Variants in ZNF207 observed in about 807,000 individuals in gnomAD.
ZNF207 encodes zinc finger protein 207, also known as BUB3-interacting and GLEBS motif-containing protein ZNF207.
In ZNF207, 24 loss-of-function variants were observed where a neutral mutation model predicts 60.2. That is an observed-to-expected ratio of 0.40 (90% CI 0.29 to 0.56). The LOEUF is 0.56. Among genes scored for constraint, ZNF207 ranks in the 20% least tolerant of loss-of-function variants. The pLI is 0.49. For missense variants in ZNF207, 452 were observed against 636.6 expected (o/e 0.71, Z 3.12); for synonymous variants, 236 against 194.7 (o/e 1.21, Z -1.77).
chr17:32,352,937 G>A (rs758440145), intron 2 of ZNF207, among the ~76,000 whole-genome samples: 14 of 152,240 alleles, frequency 9.2e-5, no homozygotes, highest in Non-Finnish European at 1.8e-4. Flanking sequence ...AGCGCTTTGG[G>A]AGGCCAAGGT....
intron 7 of ZNF207, 115 bp from the exon 8 acceptor site, chr17:32,365,215 G>T: frequency 2.6e-6 from 3 of 1,168,196 alleles, no homozygotes; most frequent in Non-Finnish European, 3.6e-6. Flanking sequence ...TAAGTTCCTT[G>T]GATTTAGTCG....
chr17:32,369,707 G>A lies in ZNF207; in HGVS notation c.1433G>A (p.Arg478Gln), dbSNP rs1184833361. The A allele has an allele frequency of 3.1e-6, 5 of 1,591,842 alleles. No individual in the cohort carries two copies. Among genetic ancestry groups the A allele is most frequent in the Admixed American group, 3.6e-5 (2 of 55,434 alleles). ...CCCCCTTACCAGGGTGGGCCTCCTC[G>A]ACCTCCGATGGGAATGAGACCTCCT... ...MVPPYQGGPP[R>Q]PPMGMRPPVM... Residue 478 changes from arginine (R) to glutamine (Q), a missense_variant, in exon 12 of 12, where the codon CGA becomes CAA. This residue lies in a region of ZNF207 where 390 missense variants were observed against 461.4 expected (regional missense o/e 0.85). Coordinates refer to ENST00000394670, the MANE Select transcript of ZNF207 (RefSeq NM_001098507.2).
rs1328014606 is a variant in ZNF207, at chr17:32,360,185, C to CA, written c.308-413_308-412insA. On this transcript the variant is annotated intron_variant, in intron 3 of 11. Coordinates refer to ENST00000394670, the MANE Select transcript of ZNF207 (RefSeq NM_001098507.2). ...TCAAGACCTCACCTTTACCCCCCCC[C>CA]CAAAAAAAAAAAAAAAAAGCCCAGT... 1.0e-4 allele frequency among the ~76,000 whole-genome samples: 11 copies of CA among 109,242 alleles called. 1 individual carries two copies. The highest frequency in any genetic ancestry group is 3.4e-4 in the African/African-American group (10 of 29,194). 71.7% of individuals were successfully genotyped at this position (109,242 alleles called of 152,430 possible).
intron 2 of ZNF207, among the ~76,000 whole-genome samples, chr17:32,357,669 T>C (rs548813024): frequency 6.6e-6 from 1 of 151,806 alleles, no homozygotes; most frequent in Non-Finnish European, 1.5e-5. Flanking sequence ...TTTATTTTTT[T>C]TGGAGACAGT....
rs962964897 is a variant in ZNF207, at chr17:32,381,882, T to C, written c.*12123T>C. The C allele has an allele frequency of 1.3e-5, 2 of 152,242 alleles. No individual in the cohort carries two copies. Among genetic ancestry groups the C allele is most frequent in the Admixed American group, 6.5e-5 (1 of 15,286 alleles). The allele number at this position is 152,242 out of a possible 1,614,324, so 9.4% of individuals were successfully genotyped here. On this transcript the variant is annotated 3_prime_UTR_variant, in exon 12 of 12. Coordinates refer to ENST00000394670, the MANE Select transcript of ZNF207 (RefSeq NM_001098507.2). ...GATGAATAAAATCTTTCATTTATTATTTATGATACTTGTCTGAGCCCATTT... is the reference window on the plus strand; with the variant it reads ...GATGAATAAAATCTTTCATTTATTACTTATGATACTTGTCTGAGCCCATTT...
Position 32,367,239 on chromosome 17 carries a change from TTATATATATATATA to T in ZNF207, c.922-500_922-487del, listed in dbSNP as rs10525886. On this transcript the variant is annotated intron_variant, in intron 9 of 11. Coordinates refer to ENST00000394670, the MANE Select transcript of ZNF207 (RefSeq NM_001098507.2). ...CCAGCCATTGTTAATTTGGAGGGGA[TTATATATATATATA>T]TATATATATATATATATATATATAT... is the stretch of plus-strand genomic sequence containing the variant. Among the ~76,000 whole-genome samples the T allele has an allele frequency of 2.6e-3, 84 of 32,188 alleles. 1 individual carries two copies. Among genetic ancestry groups the T allele is most frequent in the East Asian group, 0.013 (10 of 800 alleles). The allele number at this position is 32,188 out of a possible 152,430, so 21.1% of individuals were successfully genotyped here.
chr17:32,351,604 T>C (rs1203333826), intron 1 of ZNF207, 182 bp from the exon 2 acceptor site: 3 of 1,537,812 alleles, frequency 2.0e-6, no homozygotes, highest in Non-Finnish European at 2.6e-6. Flanking sequence ...TTCTAGGAAA[T>C]TGAAAATACT....
intron 7 of ZNF207, among the ~76,000 whole-genome samples, chr17:32,364,690 T>C (rs1905082330): frequency 6.6e-6 from 1 of 152,182 alleles, no homozygotes; most frequent in Non-Finnish European, 1.5e-5. Flanking sequence ...GTGTTTGCAA[T>C]CCATAGCATA....
intron 6 of ZNF207, among the ~76,000 whole-genome samples, chr17:32,362,506 T>G (rs1255581074): frequency 1.3e-5 from 2 of 152,220 alleles, no homozygotes; most frequent in Non-Finnish European, 2.9e-5. Flanking sequence ...TTCAATCTTT[T>G]TCTTTTCAAA....
intron 2 of ZNF207, among the ~76,000 whole-genome samples, chr17:32,352,972 C>G (rs1302892568): frequency 6.6e-6 from 1 of 152,148 alleles, no homozygotes; most frequent in Admixed American, 6.5e-5. Flanking sequence ...GTCAGGAGTT[C>G]AAGACAGCCT....
chr17:32,365,419 G>C lies in ZNF207; in HGVS notation c.760G>C (p.Ala254Pro), dbSNP rs1244399296. ...SAPGILNRPP[A>P]PTATVPAPQP... ...GCCAGGTATTCTTAATAGACCACCT[G>C]CACCAACAGCAACTGTACCTGCCCC... is the stretch of plus-strand genomic sequence containing the variant. The change falls in exon 8 of 12, where the codon GCA becomes CCA. Residue 254 changes from alanine (A) to proline (P), a missense_variant. Ala to Pro is a conservative substitution (Grantham distance 27, BLOSUM62 -1). Coordinates refer to ENST00000394670, the MANE Select transcript of ZNF207 (RefSeq NM_001098507.2). 6.2e-7 allele frequency: 1 copy of C among 1,613,950 alleles called. No homozygotes were observed. The highest frequency in any genetic ancestry group is 8.5e-7 in the Non-Finnish European group (1 of 1,180,004).
In ZNF207 at chr17:32,363,529, C is replaced by CTTTTTTTTTTTTTTTT. The variant is rs746944466; in HGVS notation, c.670+558_670+573dup. Among the ~76,000 whole-genome samples the CTTTTTTTTTTTTTTTT allele has an allele frequency of 1.9e-3, 130 of 69,606 alleles. 34 individuals are homozygous for CTTTTTTTTTTTTTTTT. The highest frequency in any genetic ancestry group is 2.7e-3 in the Non-Finnish European group (97 of 35,842). The allele number at this position is 69,606 out of a possible 152,430, so 45.7% of individuals were successfully genotyped here. On this transcript the variant is annotated intron_variant, in intron 7 of 11. Coordinates refer to ENST00000394670, the MANE Select transcript of ZNF207 (RefSeq NM_001098507.2). ...ACAAGTAATAGAGAAATCCAACAAA[C>CTTTTTTTTTTTTTTTT]TTTTTTTTTTTTTTTTTTTTTTTTT... is the stretch of plus-strand genomic sequence containing the variant.
rs1350782733 is a variant in ZNF207, at chr17:32,378,309, T to C, written c.*8550T>C. On this transcript the variant is annotated 3_prime_UTR_variant, in exon 12 of 12. Coordinates refer to ENST00000394670, the MANE Select transcript of ZNF207 (RefSeq NM_001098507.2). ...CCAGGGCTTTGGGTCCAGGGTCTTT[T>C]ACTTAAGCTATTTCATGGTGGTTCT... The C allele has an allele frequency of 6.6e-6, 1 of 152,080 alleles. No homozygotes were observed. The highest frequency in any genetic ancestry group is 1.9e-4 in the East Asian group (1 of 5,200). 9.4% of individuals were successfully genotyped at this position (152,080 alleles called of 1,614,324 possible). A position where few individuals can be genotyped will look rare whatever the true frequency, so the allele number is the denominator to read the frequency against.
chr17:32,355,349 A>G (rs1314581527), intron 2 of ZNF207, among the ~76,000 whole-genome samples: 2 of 152,140 alleles, frequency 1.3e-5, no homozygotes, highest in African/African-American at 2.4e-5. Flanking sequence ...TGATAGCACT[A>G]CTCAGCTCCA....
intron 2 of ZNF207, among the ~76,000 whole-genome samples, chr17:32,358,154 A>AG (rs1904659505): frequency 6.6e-6 from 1 of 152,250 alleles, no homozygotes; most frequent in Non-Finnish European, 1.5e-5. Flanking sequence ...TGATTTGGAT[A>AG]GGACTACTAG....
rs1904829176 is a variant in ZNF207, at chr17:32,360,728, A to G, written c.438A>G (p.Gly146=). 6.2e-7 allele frequency: 1 copy of G among 1,614,012 alleles called. No individual in the cohort carries two copies. The highest frequency in any genetic ancestry group is 1.3e-5 in the African/African-American group (1 of 74,934). Residue 146 remains glycine, a synonymous_variant, in exon 4 of 12, where the codon GGA becomes GGG. Coordinates refer to ENST00000394670, the MANE Select transcript of ZNF207 (RefSeq NM_001098507.2). ...ATATTCCTCCAATGGCACAGCCAGG[A>G]CTGCCACCAGTACCAGGAGCACCAG... ...QGYIPPMAQP[G]LPPVPGAPGM... is the part of the protein sequence containing the mutation.
rs1224635392 is a variant in ZNF207, at chr17:32,374,616, T to G, written c.*4857T>G. The G allele has an allele frequency of 6.6e-6, 1 of 152,184 alleles. No individual in the cohort carries two copies. The highest frequency in any genetic ancestry group is 1.5e-5 in the Non-Finnish European group (1 of 68,042). 9.4% of individuals were successfully genotyped at this position (152,184 alleles called of 1,614,324 possible). ...TAAAATATTTTCAAGCCTCACCACA[T>G]TAGAGCAAATGTTAATGTAGAGCCC... is the stretch of plus-strand genomic sequence containing the variant. On this transcript the variant is annotated 3_prime_UTR_variant, in exon 12 of 12. Transcript: ENST00000394670.
chr17:32,366,273 G>T (rs961479494), intron 8 of ZNF207, among the ~76,000 whole-genome samples: 11 of 151,710 alleles, frequency 7.3e-5, no homozygotes, highest in Non-Finnish European at 1.5e-4. Context: ...TAGCTTTTAT[G>T]GTGGGTGGAA....
Position 32,365,387 on chromosome 17 carries a change from T to C in ZNF207, c.728T>C (p.Val243Ala), listed in dbSNP as rs113203643. Residue 243 changes from valine (V) to alanine (A), a missense_variant, in exon 8 of 12, where the codon GTT (valine) becomes GCT (alanine). Transcript: ENST00000394670. ...GIPPMTQAQA[V>A]SAPGILNRPP... ...CCTCCAATGACTCAAGCACAGGCTG[T>C]TTCAGCGCCAGGTATTCTTAATAGA... The C allele has an allele frequency of 6.2e-7, 1 of 1,614,130 alleles. No individual in the cohort carries two copies. The highest frequency in any genetic ancestry group is 8.5e-7 in the Non-Finnish European group (1 of 1,180,014).
Sources: allele counts gnomAD v4.1 joint callset (sites outside exome capture counted in the v4.1 genomes callset), GRCh38; gene constraint gnomAD v4.1.1; regional missense constraint gnomAD v4.1.1; transcripts MANE v1.5; gene names NCBI Gene and HGNC (gene_info 2026-07-23, HGNC 2026-07-21).